LRRIQ1: variants seen among roughly 807,000 people sequenced by gnomAD.
LRRIQ1 encodes the protein leucine rich repeats and IQ motif containing 1.
In LRRIQ1, 210 loss-of-function variants were observed where a neutral mutation model predicts 211.9. The observed-to-expected ratio is 0.99, with a 90% CI of 0.89 to 1.11. The LOEUF (loss-of-function observed/expected upper bound fraction) is 1.11, where lower values mean the gene tolerates loss of function less well. Ranked by LOEUF, LRRIQ1 falls within the 50% of genes most tolerant of loss-of-function variation. LRRIQ1 has a pLI of 0.00. For synonymous variants in LRRIQ1, 699 were observed against 650.1 expected (o/e 1.08, Z -1.14); for missense variants, 2,136 against 1,939.5 (o/e 1.10, Z -1.90).
intron 6 of LRRIQ1, chr12:85,048,395 T>C (rs1879894878): frequency 6.6e-6 from 1 of 151,940 alleles, no homozygotes; most frequent in African/African-American, 2.4e-5. Context: ...CCGTCTCTAC[T>C]AAAAATAGAG....
downstream of LRRIQ1, among the ~76,000 whole-genome samples, chr12:85,267,070 T>C (rs1259463236): frequency 6.6e-6 from 1 of 152,042 alleles, no homozygotes; most frequent in Non-Finnish European, 1.5e-5. Flanking sequence ...ACCAGATGAG[T>C]AAATGTAAAA....
chr12:85,219,691 A>C (rs768117984), intron 24 of LRRIQ1, among the ~76,000 whole-genome samples: 40 of 152,016 alleles, frequency 2.6e-4, no homozygotes, highest in Non-Finnish European at 4.7e-4. Flanking sequence ...CACTATTCCC[A>C]AAATTTCTGT....
At chr12:85,190,538 A>G (rs917630969) in intron 24 of LRRIQ1, among the ~76,000 whole-genome samples, 7 of 149,040 alleles carry the variant, frequency 4.7e-5, no homozygotes, top group African/African-American at 7.3e-5. Flanking sequence ...AAATAATAGT[A>G]TATATTAATA....
chr12:85,224,808 A>G (rs536015717), intron 24 of LRRIQ1, among the ~76,000 whole-genome samples: 55 of 152,086 alleles, frequency 3.6e-4, no homozygotes, highest in Non-Finnish European at 5.1e-4. Context: ...TGGGTGCAGT[A>G]AACTACCATG....
intron 18 of LRRIQ1, among the ~76,000 whole-genome samples, chr12:85,128,877 C>T (rs1041130894): frequency 3.3e-5 from 5 of 152,194 alleles, no homozygotes; most frequent in Non-Finnish European, 7.4e-5. Context: ...CTCAGAAGTC[C>T]GAGCACAACA....
chr12:85,252,326 A>G (rs1895968982), intron 1 of LRRIQ1, among the ~76,000 whole-genome samples: 1 of 151,960 alleles, frequency 6.6e-6, no homozygotes, highest in South Asian at 2.1e-4. Flanking sequence ...GCATTTGAAA[A>G]TGATATTTTA....
chr12:85,183,582 A>G (rs868583388), intron 24 of LRRIQ1, among the ~76,000 whole-genome samples: 5 of 152,116 alleles, frequency 3.3e-5, no homozygotes, highest in Admixed American at 1.3e-4. Context: ...AGAAAATATC[A>G]TGGGCTTATG....
intron 10 of LRRIQ1, among the ~76,000 whole-genome samples, chr12:85,069,062 G>T (rs1455622857): frequency 1.3e-5 from 2 of 151,150 alleles, no homozygotes; most frequent in Non-Finnish European, 3.0e-5. Context: ...TTAGCATTAG[G>T]TATACCTCCT....
At chr12:85,150,588 T>C (rs1223119785) in intron 19 of LRRIQ1, among the ~76,000 whole-genome samples, 3 of 151,680 alleles carry the variant, frequency 2.0e-5, no homozygotes, top group Non-Finnish European at 4.4e-5. Context: ...GGCCGTATCT[T>C]TTTTTTCTGT....
chr12:85,144,289 A>G (rs183406403), intron 19 of LRRIQ1, among the ~76,000 whole-genome samples: 1 of 151,770 alleles, frequency 6.6e-6, no homozygotes. Context: ...CATTGTTCTT[A>G]CCACAGTGAA....
chr12:85,052,739 C>A (rs1385845546), intron 7 of LRRIQ1, among the ~76,000 whole-genome samples: 1 of 151,790 alleles, frequency 6.6e-6, no homozygotes, highest in Non-Finnish European at 1.5e-5. Flanking sequence ...TTTTTGTATT[C>A]CTTTCAAATC....
At chr12:85,124,017 T>C (rs1482421027) in intron 16 of LRRIQ1, 53 bp from the exon 17 acceptor site, 4 of 1,379,520 alleles carry the variant, frequency 2.9e-6, no homozygotes, top group Middle Eastern at 2.5e-4. Flanking sequence ...GCACAAGTTT[T>C]AATATTTGCT....
intron 11 of LRRIQ1, among the ~76,000 whole-genome samples, chr12:85,091,252 G>A (rs992710992): frequency 2.0e-5 from 3 of 152,006 alleles, no homozygotes; most frequent in Admixed American, 6.6e-5. Flanking sequence ...GTCCAGTCTC[G>A]GTTATTTATT....
At chr12:85,212,694 CATGTATGTAT>C (rs1371147768) in intron 24 of LRRIQ1, among the ~76,000 whole-genome samples, 2 of 149,498 alleles carry the variant, frequency 1.3e-5, no homozygotes, top group Non-Finnish European at 3.0e-5. Context: ...CGTTAAATTC[CATGTATGTAT>C]ATGTATATAT....
In LRRIQ1 at chr12:85,125,987, AAG is replaced by A. The variant is rs557966887; in HGVS notation, c.4007+1471_4007+1472del. ...TCAGGAGATTCACTGCCAATTGTAT[AAG>A]AGTTTCCTAAGAATTATTTGCATGT... On this transcript the variant is annotated intron_variant, in intron 17 of 26. Coordinates refer to ENST00000393217, the MANE Select transcript of LRRIQ1 (RefSeq NM_001079910.2). Among the ~76,000 whole-genome samples, 8 of 152,290 alleles carry A rather than the reference AAG, an allele frequency of 5.3e-5. No homozygotes were observed. The South Asian group carries it at 1.7e-3, about 32-fold the overall frequency.
At chr12:85,040,081 AATAATT>A (rs1240479132) in intron 2 of LRRIQ1, among the ~76,000 whole-genome samples, 2 of 151,612 alleles carry the variant, frequency 1.3e-5, no homozygotes, top group African/African-American at 4.8e-5. Flanking sequence ...GAATGTAATA[AATAATT>A]ATATCAGGTA....
intron 23 of LRRIQ1, among the ~76,000 whole-genome samples, chr12:85,157,882 C>T (rs1382036438): frequency 6.6e-6 from 1 of 151,676 alleles, no homozygotes; most frequent in Non-Finnish European, 1.5e-5. Context: ...TAAAAAAAGG[C>T]TAATTTTTTA....
chr12:85,243,021 G>A (rs1012311073), intron 26 of LRRIQ1, among the ~76,000 whole-genome samples: 12 of 151,586 alleles, frequency 7.9e-5, no homozygotes, highest in African/African-American at 2.4e-4. Flanking sequence ...TAGGTGTAGT[G>A]AAATTATGTC....
chr12:85,084,810 C>T, intron 11 of LRRIQ1, among the ~76,000 whole-genome samples: 1 of 151,700 alleles, frequency 6.6e-6, no homozygotes, highest in East Asian at 1.9e-4. Context: ...CCTGTAGTCC[C>T]AGTTACTTGG....
Sources: gnomAD v4.1 joint callset for allele counts (sites outside exome capture counted in the v4.1 genomes callset) on GRCh38, gnomAD v4.1.1 for gene constraint, MANE v1.5 for transcripts, NCBI Gene and HGNC (gene_info 2026-07-23, HGNC 2026-07-21) for gene names.